The following TTC8 variants were observed in gnomAD, a reference collection of about 807,000 sequenced individuals.
TTC8 encodes the protein tetratricopeptide repeat protein 8.
A neutral mutation model predicts 72.5 loss-of-function variants in TTC8; 47 were observed. That is an observed-to-expected ratio of 0.65 (90% CI 0.51 to 0.83). TTC8 has a LOEUF of 0.83. TTC8 is among the 40% of genes least tolerant of loss of function. The pLI is 0.00. For synonymous variants in TTC8, 199 were observed against 221.4 expected (o/e 0.90, Z 0.90); for missense variants, 611 against 623.2 (o/e 0.98, Z 0.21).
In TTC8 at chr14:88,840,861, C is replaced by A; in HGVS notation, c.266-4C>A. 1.2e-6 allele frequency: 2 copies of A among 1,613,976 alleles called. No individual in the cohort carries two copies. The highest frequency in any genetic ancestry group is 1.3e-5 in the African/African-American group (1 of 75,036). ...TAAATTGTATTAGCCATCTTGTCTC[C>A]TAGGCCCTGGAACGTCTTTGAAACT... On this transcript the variant is annotated splice_region_variant and splice_polypyrimidine_tract_variant and intron_variant, in intron 3 of 14. Coordinates refer to ENST00000380656, the MANE Select transcript of TTC8 (RefSeq NM_144596.4).
At chr14:88,832,809 C>G (rs2094732346) in intron 1 of TTC8, among the ~76,000 whole-genome samples, 1 of 152,140 alleles carries the variant, frequency 6.6e-6, no homozygotes, top group Non-Finnish European at 1.5e-5. Flanking sequence ...GGTAGGTGCA[C>G]TGGAGTTGAA....
chr14:88,870,031 A>G (rs1184444805), intron 10 of TTC8, 28 bp from the exon 11 acceptor site: 2 of 1,612,030 alleles, frequency 1.2e-6, no homozygotes, highest in Admixed American at 1.7e-5. Flanking sequence ...TTAATAAAAT[A>G]TTGCTCTTCT....
chr14:88,873,951 A>G (rs1349822962), intron 13 of TTC8, among the ~76,000 whole-genome samples: 5 of 152,218 alleles, frequency 3.3e-5, no homozygotes. Flanking sequence ...AAGGAAAGAA[A>G]GGTCATTGGA....
At chr14:88,837,889 T>A (rs575583696) in intron 2 of TTC8, among the ~76,000 whole-genome samples, 12 of 152,328 alleles carry the variant, frequency 7.9e-5, no homozygotes, top group East Asian at 7.7e-4. Context: ...TGTTTTTTTT[T>A]AATTTTTTTA....
chr14:88,877,526 TGA>T lies in TTC8; in HGVS notation c.*117_*118del. 3 of 842,276 alleles carry T rather than the reference TGA, an allele frequency of 3.6e-6. No homozygotes were observed. The South Asian group carries it at 4.1e-5, about 12-fold the overall frequency. 52.2% of individuals were successfully genotyped at this position (842,276 alleles called of 1,614,324 possible). ...ACGTATATTTTAACAAACCTGTCCT[TGA>T]TATTAGTTAAGGTGACACATAAGGG... is the stretch of plus-strand genomic sequence containing the variant. On this transcript the variant is annotated 3_prime_UTR_variant, in exon 15 of 15. Coordinates refer to ENST00000380656, the MANE Select transcript of TTC8 (RefSeq NM_144596.4).
intron 1 of TTC8, among the ~76,000 whole-genome samples, chr14:88,827,220 T>G (rs1188428082): frequency 6.6e-6 from 1 of 152,186 alleles, no homozygotes; most frequent in Non-Finnish European, 1.5e-5. Flanking sequence ...TTCATCTCAA[T>G]GACCTTTCAT....
Position 88,857,268 on chromosome 14 carries a change from C to T in TTC8, c.789C>T (p.Tyr263=). Residue 263 remains tyrosine, a synonymous_variant, in exon 9 of 15, where the codon TAC becomes TAT. Coordinates refer to ENST00000380656, the MANE Select transcript of TTC8 (RefSeq NM_144596.4). ...KQQEMVDTFL[Y]LAKVYVSLDQ... ...AGGAAATGGTAGATACATTTCTGTACTTGGCAAAAGTAAGTAAATCTTAAT... is the reference window on the plus strand; with the variant it reads ...AGGAAATGGTAGATACATTTCTGTATTTGGCAAAAGTAAGTAAATCTTAAT... 6.2e-7 allele frequency: 1 copy of T among 1,613,608 alleles called. No homozygotes were observed. Among genetic ancestry groups the T allele is most frequent in the Non-Finnish European group, 8.5e-7 (1 of 1,179,698 alleles).
At chr14:88,842,477 T>C (rs535084450) in intron 6 of TTC8, among the ~76,000 whole-genome samples, 3 of 152,234 alleles carry the variant, frequency 2.0e-5, no homozygotes, top group Non-Finnish European at 2.9e-5. Flanking sequence ...TTAGTAAAAT[T>C]GTAAAGCTAT....
intron 7 of TTC8, among the ~76,000 whole-genome samples, chr14:88,845,880 A>G (rs1432011259): frequency 2.0e-5 from 3 of 152,182 alleles, no homozygotes; most frequent in African/African-American, 7.2e-5. Flanking sequence ...AGGAATAGAA[A>G]CAAACTTTAA....
chr14:88,863,396 A>G (rs1372018122), intron 10 of TTC8, among the ~76,000 whole-genome samples: 2 of 152,222 alleles, frequency 1.3e-5, no homozygotes, highest in African/African-American at 4.8e-5. Context: ...GGAGTCACAC[A>G]GGACACACTT....
chr14:88,829,408 A>G (rs1310062678), intron 1 of TTC8, among the ~76,000 whole-genome samples: 3 of 152,196 alleles, frequency 2.0e-5, no homozygotes, highest in Non-Finnish European at 4.4e-5. Context: ...GATCATCCTG[A>G]TCAGTTGCTT....
chr14:88,842,952 T>A (rs1595944674), intron 6 of TTC8, among the ~76,000 whole-genome samples: 1 of 62,414 alleles, frequency 1.6e-5, no homozygotes, highest in Non-Finnish European at 3.9e-5. Context: ...TATAGGTTTG[T>A]TTTTTTTTTT....
At chr14:88,873,254 T>C (rs1392085449) in intron 13 of TTC8, among the ~76,000 whole-genome samples, 1 of 152,208 alleles carries the variant, frequency 6.6e-6, no homozygotes, top group Non-Finnish European at 1.5e-5. Context: ...AGACAGACAG[T>C]GCTCTGTCTT....
At position 88,826,679 on chromosome 14, in the gene TTC8, C is replaced by G. The variant is rs150608085; in HGVS notation, c.114+1858C>G. Among the ~76,000 whole-genome samples, 727 of 152,194 alleles carry G rather than the reference C, an allele frequency of 4.8e-3. 4 individuals are homozygous for G. The highest frequency in any genetic ancestry group is 0.016 in the African/African-American group (672 of 41,542). On this transcript the variant is annotated intron_variant, in intron 1 of 14. Coordinates refer to ENST00000380656, the MANE Select transcript of TTC8 (RefSeq NM_144596.4). ...AGATCGCACCACTGCACTCCACACT[C>G]CACAGCCTGGGCGACAGAGAGACTC... is the stretch of plus-strand genomic sequence containing the variant.
At chr14:88,855,791 G>A (rs77341734) in intron 8 of TTC8, among the ~76,000 whole-genome samples, 3,448 of 152,196 alleles carry the variant, frequency 0.023, 145 homozygotes, top group African/African-American at 0.078. Flanking sequence ...TTTAAGACTT[G>A]CATGCATGGC....
At position 88,824,665 on chromosome 14, in the gene TTC8, T is replaced by C. The variant is rs759794812; in HGVS notation, c.-43T>C. 3 of 1,505,230 alleles carry C rather than the reference T, an allele frequency of 2.0e-6. No homozygotes were observed. Among genetic ancestry groups the C allele is most frequent in the East Asian group, 4.8e-5 (2 of 41,688 alleles). 93.2% of individuals were successfully genotyped at this position (1,505,230 alleles called of 1,614,324 possible). A position where few individuals can be genotyped will look rare whatever the true frequency, so the allele number is the denominator to read the frequency against. ...GCCAGCTCTTCACTCCACGCCCACC[T>C]CTCTCCTGGAGCGCTGGGCCTTCGC... is the stretch of plus-strand genomic sequence containing the variant. On this transcript the variant is annotated 5_prime_UTR_variant, in exon 1 of 15. Transcript: ENST00000380656.
At chr14:88,879,984 A>G (rs2094968995), downstream of TTC8, 1 of 152,110 alleles carries the variant, frequency 6.6e-6, no homozygotes, top group South Asian at 2.1e-4. Flanking sequence ...GCGTCTCTAC[A>G]CTTTTAGTTT....
At chr14:88,839,162 T>G (rs2094767442) in intron 2 of TTC8, among the ~76,000 whole-genome samples, 1 of 152,190 alleles carries the variant, frequency 6.6e-6, no homozygotes, top group African/African-American at 2.4e-5. Context: ...TTAGTAAAAT[T>G]TTCTCTAAAG....
chr14:88,837,737 C>T (rs777911976), intron 2 of TTC8, among the ~76,000 whole-genome samples: 3 of 152,148 alleles, frequency 2.0e-5, no homozygotes, highest in Non-Finnish European at 2.9e-5. Context: ...AACATTAGCT[C>T]AAGCCATTGA....
Sources: allele counts gnomAD v4.1 joint callset (sites outside exome capture counted in the v4.1 genomes callset), GRCh38; gene constraint gnomAD v4.1.1; transcripts MANE v1.5; gene names NCBI Gene and HGNC (gene_info 2026-07-23, HGNC 2026-07-21).